The following TNNI3K variants were observed in gnomAD, a reference collection of about 807,000 sequenced individuals.
TNNI3K encodes the protein serine/threonine-protein kinase TNNI3K.
TNNI3K carries 140 observed loss-of-function variants against 114.5 expected under a neutral mutation model. That is an observed-to-expected ratio of 1.22 (90% CI 1.07 to 1.41). The LOEUF is 1.41. TNNI3K is among the 40% of genes most tolerant of loss of function. The probability of loss-of-function intolerance (pLI) is 0.00; values close to 1 mark genes in which losing one functional copy is unlikely to be tolerated. For synonymous variants in TNNI3K, 347 were observed against 347.5 expected, an observed-to-expected ratio of 1.00 and a Z score of 0.02; for missense variants, 1,125 against 1,007.6, an observed-to-expected ratio of 1.12 and a Z score of -1.58.
At chr1:74,435,891 A>G (rs943155049) in intron 17 of TNNI3K, among the ~76,000 whole-genome samples, 189 bp from the exon 18 acceptor site, 1 of 152,034 alleles carries the variant, frequency 6.6e-6, no homozygotes, top group Admixed American at 6.6e-5. Flanking sequence ...AAGTATAAAC[A>G]TGATTACATT....
At position 74,394,709 on chromosome 1, in the gene TNNI3K, A is replaced by G. The variant is rs534838903; in HGVS notation, c.1772+24317A>G. Among the ~76,000 whole-genome samples the G allele has an allele frequency of 1.6e-4, 25 of 152,318 alleles. No individual in the cohort carries two copies. The East Asian group carries it at 4.4e-3, about 27-fold the overall frequency. On this transcript the variant is annotated intron_variant, in intron 17 of 24. Transcript: ENST00000326637. ...AGCCTCTGAGCTAAATAGGATTGCAATGTATTGTGGGCTGCAACAAAATGC... is the reference window on the plus strand; with the variant it reads ...AGCCTCTGAGCTAAATAGGATTGCAGTGTATTGTGGGCTGCAACAAAATGC...
intron 17 of TNNI3K, among the ~76,000 whole-genome samples, chr1:74,413,755 T>C (rs1478667506): frequency 6.6e-6 from 1 of 152,202 alleles, no homozygotes; most frequent in Non-Finnish European, 1.5e-5. Context: ...TATTGTGTTA[T>C]TTCATGTTAT....
chr1:74,351,106 A>G (rs984198706), intron 9 of TNNI3K, among the ~76,000 whole-genome samples: 15 of 151,642 alleles, frequency 9.9e-5, no homozygotes, highest in African/African-American at 3.4e-4. Context: ...GGCTGGTACC[A>G]GTTGTTCCTT....
intron 11 of TNNI3K, among the ~76,000 whole-genome samples, chr1:74,360,651 T>C (rs1357857303): frequency 6.6e-6 from 1 of 152,070 alleles, no homozygotes; most frequent in Non-Finnish European, 1.5e-5. Flanking sequence ...GTCCTCTCTG[T>C]CCTCTCCATG....
At chr1:74,514,453 G>C (rs1229487606) in intron 23 of TNNI3K, among the ~76,000 whole-genome samples, 1 of 152,158 alleles carries the variant, frequency 6.6e-6, no homozygotes, top group Non-Finnish European at 1.5e-5. Flanking sequence ...AGAAATTGCT[G>C]TTGTTCTCTA....
intron 17 of TNNI3K, among the ~76,000 whole-genome samples, chr1:74,424,875 A>G (rs891832382): frequency 2.0e-5 from 3 of 152,144 alleles, no homozygotes; most frequent in African/African-American, 7.2e-5. Context: ...AATGATACAA[A>G]GTGGCTTAAG....
chr1:74,517,781 A>G (rs1229978740), intron 23 of TNNI3K, among the ~76,000 whole-genome samples: 1 of 152,172 alleles, frequency 6.6e-6, no homozygotes, highest in African/African-American at 2.4e-5. Context: ...GTGGCTCTCA[A>G]AATTGAAAAT....
intron 9 of TNNI3K, among the ~76,000 whole-genome samples, chr1:74,351,033 C>G (rs1486937776): frequency 1.3e-5 from 2 of 150,942 alleles, no homozygotes; most frequent in South Asian, 4.2e-4. Flanking sequence ...TTATTTTGCT[C>G]CTTAGTTGAT....
chr1:74,512,901 T>TAAGG, intron 23 of TNNI3K, among the ~76,000 whole-genome samples: 1 of 152,232 alleles, frequency 6.6e-6, no homozygotes, highest in Admixed American at 6.5e-5. Context: ...GGGGTCACTA[T>TAAGG]GTGATCACCT....
intron 5 of TNNI3K, among the ~76,000 whole-genome samples, chr1:74,279,984 G>T (rs958000284): frequency 6.6e-6 from 1 of 152,064 alleles, no homozygotes; most frequent in East Asian, 1.9e-4. Context: ...TCCCCTTAAC[G>T]CCCCACAGGA....
At chr1:74,445,036 A>C (rs1356079603) in intron 20 of TNNI3K, among the ~76,000 whole-genome samples, 1 of 152,186 alleles carries the variant, frequency 6.6e-6, no homozygotes, top group Non-Finnish European at 1.5e-5. Context: ...AATTAACTCC[A>C]GATGGATTAA....
chr1:74,476,421 G>A (rs1002590795), intron 21 of TNNI3K, among the ~76,000 whole-genome samples: 5 of 152,070 alleles, frequency 3.3e-5, no homozygotes, highest in African/African-American at 1.2e-4. Flanking sequence ...CTTATGAGGT[G>A]TATTATTCTG....
At chr1:74,274,200 G>A (rs1284780916) in intron 5 of TNNI3K, among the ~76,000 whole-genome samples, 1 of 151,740 alleles carries the variant, frequency 6.6e-6, no homozygotes, top group Non-Finnish European at 1.5e-5. Flanking sequence ...AAAATCATAA[G>A]GATTAGAAAA....
chr1:74,353,995 G>T lies in TNNI3K; in HGVS notation c.1043G>T (p.Cys348Phe). Residue 348 changes from cysteine (C) to phenylalanine (F), a missense_variant, in exon 11 of 25, where the codon TGC becomes TTC. Coordinates refer to ENST00000326637, the MANE Select transcript of TNNI3K (RefSeq NM_015978.3). ...TCTATTACAGGATTACACTCTGCTT[G>T]CTACCACGGTCACATTCGCCTGGTT... The part of the protein sequence containing the change: ...RDGHTGLHSA[C>F]YHGHIRLVQF... 6.2e-7 allele frequency: 1 copy of T among 1,613,650 alleles called. No homozygotes were observed. The highest frequency in any genetic ancestry group is 8.5e-7 in the Non-Finnish European group (1 of 1,179,868).
At chr1:74,346,979 C>G (rs1417186672) in intron 9 of TNNI3K, among the ~76,000 whole-genome samples, 1 of 150,672 alleles carries the variant, frequency 6.6e-6, no homozygotes, top group African/African-American at 2.4e-5. Context: ...AAATTAAATA[C>G]CTATTTATTT....
At chr1:74,391,957 A>ATTATTATTTTTTTTTTTTTT (rs1369570973) in intron 17 of TNNI3K, among the ~76,000 whole-genome samples, 1 of 92,990 alleles carries the variant, frequency 1.1e-5, no homozygotes, top group Admixed American at 1.2e-4. Context: ...ACAGCTTATT[A>ATTATTATTTTTTTTTTTTTT]TTTTTTTTTT....
intron 5 of TNNI3K, among the ~76,000 whole-genome samples, chr1:74,296,135 G>A (rs987516132): frequency 6.6e-6 from 1 of 151,980 alleles, no homozygotes; most frequent in Non-Finnish European, 1.5e-5. Context: ...AATTAGCCGG[G>A]CGAGGCGGCG....
At chr1:74,456,937 T>C (rs1006193803) in intron 20 of TNNI3K, among the ~76,000 whole-genome samples, 1 of 152,150 alleles carries the variant, frequency 6.6e-6, no homozygotes, top group Non-Finnish European at 1.5e-5. Context: ...GACACAGATA[T>C]TCAATAGGTC....
chr1:74,329,338 G>A (rs1355012930), intron 5 of TNNI3K, among the ~76,000 whole-genome samples: 5 of 151,918 alleles, frequency 3.3e-5, no homozygotes, highest in Non-Finnish European at 7.4e-5. Flanking sequence ...AGCTCATTGT[G>A]GTTTTAATTT....
Sources: allele counts gnomAD v4.1 joint callset (sites outside exome capture counted in the v4.1 genomes callset), GRCh38; gene constraint gnomAD v4.1.1; transcripts MANE v1.5; gene names NCBI Gene and HGNC (gene_info 2026-07-23, HGNC 2026-07-21).